CFDP1: variants seen among roughly 807,000 people sequenced by gnomAD.
CFDP1 encodes chromatin remodeling protein CFDP1.
A neutral mutation model predicts 40.1 loss-of-function variants in CFDP1; 31 were observed. That is an observed-to-expected ratio of 0.77 (90% CI 0.58 to 1.04). The LOEUF (loss-of-function observed/expected upper bound fraction) is 1.04, where lower values mean the gene tolerates loss of function less well. CFDP1 is among the 50% of genes least tolerant of loss of function. The pLI, the probability that CFDP1 is intolerant of heterozygous loss-of-function variation, is 0.00. For synonymous variants in CFDP1, 167 were observed against 120.0 expected, an observed-to-expected ratio of 1.39 and a Z score of -2.56; for missense variants, 423 against 343.4, an observed-to-expected ratio of 1.23 and a Z score of -1.83.
chr16:75,432,597 T>C (rs1450569910), intron 1 of CFDP1, among the ~76,000 whole-genome samples: 2 of 152,054 alleles, frequency 1.3e-5, no homozygotes, highest in African/African-American at 4.8e-5. Flanking sequence ...TAGGGACGAC[T>C]CCTGGGTTGT....
At chr16:75,408,984 A>G (rs1180219716) in intron 4 of CFDP1, among the ~76,000 whole-genome samples, 1 of 151,648 alleles carries the variant, frequency 6.6e-6, no homozygotes, top group Non-Finnish European at 1.5e-5. Context: ...CAGCCTCCCA[A>G]GTAGCTAGGA....
chr16:75,355,616 C>G (rs1289456024), intron 5 of CFDP1, among the ~76,000 whole-genome samples: 1 of 152,158 alleles, frequency 6.6e-6, no homozygotes, highest in Non-Finnish European at 1.5e-5. Context: ...AAATCTCACC[C>G]TGAATTACAA....
intron 5 of CFDP1, among the ~76,000 whole-genome samples, chr16:75,369,829 T>C (rs1213207729): frequency 1.3e-5 from 2 of 152,146 alleles, no homozygotes; most frequent in African/African-American, 4.8e-5. Context: ...CTTGGCTCAC[T>C]AAAACCTCCG....
At chr16:75,356,967 G>A (rs1002909667) in intron 5 of CFDP1, among the ~76,000 whole-genome samples, 2 of 129,074 alleles carry the variant, frequency 1.5e-5, no homozygotes, top group African/African-American at 6.0e-5. Flanking sequence ...AGGCTGTAAT[G>A]CAGTGGCGTG....
chr16:75,366,370 G>T (rs1269688372), intron 5 of CFDP1, among the ~76,000 whole-genome samples: 12 of 152,198 alleles, frequency 7.9e-5, no homozygotes, highest in African/African-American at 2.9e-4. Flanking sequence ...GCCAGGCACA[G>T]TGGCTCACAC....
chr16:75,352,260 G>C (rs967451876), intron 5 of CFDP1, among the ~76,000 whole-genome samples: 19 of 151,912 alleles, frequency 1.3e-4, no homozygotes, highest in Non-Finnish European at 2.4e-4. Flanking sequence ...AGAATCGCTT[G>C]AACCCAGGAG....
intron 4 of CFDP1, among the ~76,000 whole-genome samples, chr16:75,405,475 T>G (rs1367677105): frequency 6.6e-6 from 1 of 151,554 alleles, no homozygotes; most frequent in African/African-American, 2.4e-5. Context: ...AGGCCTGGTG[T>G]GGTGGCTCAT....
At chr16:75,377,606 T>C (rs1380330033) in intron 5 of CFDP1, among the ~76,000 whole-genome samples, 1 of 152,220 alleles carries the variant, frequency 6.6e-6, no homozygotes, top group East Asian at 1.9e-4. Flanking sequence ...TGAAAAAGAC[T>C]CCTTGTGTTC....
intron 5 of CFDP1, among the ~76,000 whole-genome samples, chr16:75,356,900 C>G (rs2078647596): frequency 7.4e-6 from 1 of 135,078 alleles, no homozygotes; most frequent in Non-Finnish European, 1.6e-5. Flanking sequence ...ATGGAAACAG[C>G]TGCTTTCTTT....
chr16:75,345,124 G>C (rs535152429), intron 5 of CFDP1, among the ~76,000 whole-genome samples: 11 of 151,472 alleles, frequency 7.3e-5, no homozygotes, highest in Admixed American at 2.0e-4. Flanking sequence ...CCAAGAGTTT[G>C]AGACCAGCCT....
At chr16:75,425,516 T>C (rs893247652) in intron 1 of CFDP1, among the ~76,000 whole-genome samples, 2 of 151,388 alleles carry the variant, frequency 1.3e-5, no homozygotes, top group Non-Finnish European at 2.9e-5. Flanking sequence ...TCAAAAACAG[T>C]AAATGAAACT....
chr16:75,382,143 A>T (rs1324988549), intron 5 of CFDP1, among the ~76,000 whole-genome samples: 1 of 151,706 alleles, frequency 6.6e-6, no homozygotes, highest in Middle Eastern at 3.2e-3. Context: ...AAAAAAGCTC[A>T]GAGGCATACC....
chr16:75,335,098 T>C (rs1322192447), intron 5 of CFDP1, among the ~76,000 whole-genome samples: 1 of 152,176 alleles, frequency 6.6e-6, no homozygotes, highest in African/African-American at 2.4e-5. Context: ...TTCATGTGGG[T>C]TACAGTCCAC....
chr16:75,384,360 C>CA (rs770350159), intron 5 of CFDP1, among the ~76,000 whole-genome samples: 4 of 151,058 alleles, frequency 2.6e-5, no homozygotes, highest in South Asian at 4.2e-4. Context: ...GACTCCATCT[C>CA]AAAAAAAAGA....
chr16:75,333,122 CTTT>C (rs1281826055), intron 5 of CFDP1, among the ~76,000 whole-genome samples: 2 of 87,184 alleles, frequency 2.3e-5, no homozygotes, highest in Admixed American at 1.3e-4. Flanking sequence ...TACTCATGTT[CTTT>C]TTTTTTTTTT....
At chr16:75,412,047 A>C in intron 3 of CFDP1, 95 bp from the exon 4 acceptor site, 1 of 1,298,266 alleles carries the variant, frequency 7.7e-7, no homozygotes, top group Middle Eastern at 2.8e-4. Context: ...ATAGCGTCTC[A>C]CTCTGTAGCC....
At chr16:75,433,146 G>A in intron 1 of CFDP1, 143 bp downstream of exon 1, 1 of 727,426 alleles carries the variant, frequency 1.4e-6, no homozygotes, top group Non-Finnish European at 2.3e-6. Context: ...CGAGGATGAG[G>A]GGCCTGAGGG....
At chr16:75,417,334 T>C (rs2079218536) in intron 1 of CFDP1, among the ~76,000 whole-genome samples, 1 of 152,170 alleles carries the variant, frequency 6.6e-6, no homozygotes, top group African/African-American at 2.4e-5. Context: ...TGTCTCACAG[T>C]AAGTGACTGG....
chr16:75,342,190 C>T (rs2078531867), intron 5 of CFDP1, among the ~76,000 whole-genome samples: 1 of 152,160 alleles, frequency 6.6e-6, no homozygotes, highest in African/African-American at 2.4e-5. Flanking sequence ...CCTCTGTTAA[C>T]ATCGAAGTTT....
Sources: gnomAD v4.1 joint callset for allele counts (sites outside exome capture counted in the v4.1 genomes callset) on GRCh38, gnomAD v4.1.1 for gene constraint, MANE v1.5 for transcripts, NCBI Gene and HGNC (gene_info 2026-07-23, HGNC 2026-07-21) for gene names.